The following ITGA9 variants were observed in gnomAD, a reference collection of about 807,000 sequenced individuals.
The protein encoded by ITGA9 is integrin alpha-9.
Under a neutral mutation model 127.8 loss-of-function variants are expected in ITGA9, and 56 were observed. The ratio of observed to expected loss-of-function variants is 0.44; its 90% CI spans 0.35 to 0.55. ITGA9 has a LOEUF of 0.55. ITGA9 is among the 20% of genes least tolerant of loss of function. The pLI is 0.00. For synonymous variants in ITGA9, 508 were observed against 514.5 expected, an observed-to-expected ratio of 0.99 and a Z score of 0.17; for missense variants, 1,196 against 1,347.1, an observed-to-expected ratio of 0.89 and a Z score of 1.76.
rs113281596 is a variant in ITGA9, at chr3:37,629,959, G to A, written c.1839+623G>A. Among the ~76,000 whole-genome samples the A allele has an allele frequency of 8.6e-4, 131 of 152,262 alleles. 1 individual carries two copies. The highest frequency in any genetic ancestry group is 3.0e-3 in the African/African-American group (125 of 41,538). On this transcript the variant is annotated intron_variant, in intron 16 of 27. Transcript: ENST00000264741. The surrounding 1 kb of genome is among the most constrained non-coding windows in gnomAD (Gnocchi z 4.5). ...CTCTGAGGCGTGCAGCACTGAGTGC[G>A]GTGCAGGAATATGCAAGGAATCTGC...
rs138166206 is a variant in ITGA9 at position 37,772,277 on chromosome 3, G to A, written c.2542-5115G>A. 2.4e-4 allele frequency among the ~76,000 whole-genome samples: 37 copies of A among 152,166 alleles called. No individual in the cohort carries two copies. In the South Asian group the frequency reaches 4.2e-3, roughly 17 times the overall value. ...AAAAAGCTTAGCCAGGCATGGTGGCGTGTGCCTGTAATTCCAGCTACTGGG... is the reference window on the plus strand; with the variant it reads ...AAAAAGCTTAGCCAGGCATGGTGGCATGTGCCTGTAATTCCAGCTACTGGG... On this transcript the variant is annotated intron_variant, in intron 23 of 27. Transcript: ENST00000264741.
chr3:37,466,609 C>T (rs539864044), intron 1 of ITGA9, among the ~76,000 whole-genome samples: 3 of 146,126 alleles, frequency 2.1e-5, no homozygotes, highest in East Asian at 2.1e-4. Context: ...TCCAAATGAA[C>T]ATAATTATTT....
intron 17 of ITGA9, among the ~76,000 whole-genome samples, chr3:37,667,444 CA>C (rs58033287): frequency 0.031 from 4,676 of 152,290 alleles, 94 homozygotes; most frequent in Non-Finnish European, 0.047. Flanking sequence ...AGGACAGCAG[CA>C]AAGGCAGATA....
Position 37,452,821 on chromosome 3 carries a change from G to C in ITGA9, c.185+262G>C, listed in dbSNP as rs1169787819. Among the ~76,000 whole-genome samples the C allele has an allele frequency of 6.6e-6, 1 of 152,126 alleles. No homozygotes were observed. The highest frequency in any genetic ancestry group is 1.9e-4 in the East Asian group (1 of 5,166). On this transcript the variant is annotated intron_variant, in intron 1 of 27. Transcript: ENST00000264741. This position sits in a 1 kb window ranked among gnomAD's most constrained non-coding sequence, Gnocchi z 7.3. Reference sequence around the variant, plus strand: ...TCCCTGGGGTCCCAGCCCAGAGCGTGGGGGGAGAGCCGCTAGAGTTGTCTC... The same window carrying C: ...TCCCTGGGGTCCCAGCCCAGAGCGTCGGGGGAGAGCCGCTAGAGTTGTCTC...
intron 18 of ITGA9, among the ~76,000 whole-genome samples, chr3:37,714,581 G>A (rs1701114184): frequency 6.6e-6 from 1 of 152,162 alleles, no homozygotes; most frequent in African/African-American, 2.4e-5. Flanking sequence ...CCAGGAAGCT[G>A]CTTCCCTCCC....
intron 5 of ITGA9, among the ~76,000 whole-genome samples, chr3:37,502,707 C>T (rs142470546): frequency 2.6e-5 from 4 of 152,168 alleles, no homozygotes; most frequent in Non-Finnish European, 5.9e-5. Flanking sequence ...GAGGGGATTC[C>T]CTGGAGTACT....
At chr3:37,790,823 T>G (rs1457197158) in intron 26 of ITGA9, 1 of 152,814 alleles carries the variant, frequency 6.5e-6, no homozygotes, top group Non-Finnish European at 1.5e-5. Context: ...GAATTTCATC[T>G]TCAACCCAAC....
At chr3:37,513,242 G>A (rs1345350504) in intron 8 of ITGA9, among the ~76,000 whole-genome samples, 1 of 152,094 alleles carries the variant, frequency 6.6e-6, no homozygotes, top group Non-Finnish European at 1.5e-5. Flanking sequence ...ACCTCATTCT[G>A]TGGGCATCAA....
chr3:37,801,395 G>A (rs564709147), intron 26 of ITGA9, among the ~76,000 whole-genome samples: 1 of 152,242 alleles, frequency 6.6e-6, no homozygotes, highest in African/African-American at 2.4e-5. Flanking sequence ...TTTAGCATTT[G>A]GTATGTGAAA....
At chr3:37,559,084 T>C (rs1342579586) in intron 15 of ITGA9, among the ~76,000 whole-genome samples, 1 of 152,234 alleles carries the variant, frequency 6.6e-6, no homozygotes, top group Non-Finnish European at 1.5e-5. Context: ...ACCCTGGGAA[T>C]AGGACCCCCA....
At chr3:37,718,819 G>T (rs866256327) in intron 18 of ITGA9, among the ~76,000 whole-genome samples, 48 of 152,306 alleles carry the variant, frequency 3.2e-4, no homozygotes, top group African/African-American at 9.9e-4. Context: ...CTGCATCTGG[G>T]TCTTTTTTAC....
intron 15 of ITGA9, among the ~76,000 whole-genome samples, chr3:37,599,140 G>A (rs772687377): frequency 6.6e-6 from 1 of 152,224 alleles, no homozygotes; most frequent in East Asian, 1.9e-4. Context: ...ATAGGTGCAC[G>A]GCATAGTGTG....
chr3:37,818,191 T>TAAAAAAAAAAAAAAAAAAAAAAAAAAA (rs748381488), intron 27 of ITGA9: 1 of 31,970 alleles, frequency 3.1e-5, no homozygotes, highest in African/African-American at 9.4e-5. Flanking sequence ...TAAGACTCTC[T>TAAAAAAAAAAAAAAAAAAAAAAAAAAA]AAAAAAAAAA....
chr3:37,620,399 C>G (rs1381971626), intron 15 of ITGA9, among the ~76,000 whole-genome samples: 6 of 152,188 alleles, frequency 3.9e-5, no homozygotes, highest in East Asian at 1.9e-4. Flanking sequence ...CCCCACAGAC[C>G]TTTCTCAGGT....
chr3:37,578,674 T>A (rs555947931), intron 15 of ITGA9, among the ~76,000 whole-genome samples: 1 of 152,234 alleles, frequency 6.6e-6, no homozygotes, highest in African/African-American at 2.4e-5. Flanking sequence ...CTCAGGAATT[T>A]TGTTTGGAAT....
chr3:37,461,374 T>G (rs911319175), intron 1 of ITGA9, among the ~76,000 whole-genome samples: 1 of 152,160 alleles, frequency 6.6e-6, no homozygotes, highest in African/African-American at 2.4e-5. Flanking sequence ...AACCTCAGTT[T>G]CCTTTTCTGT....
chr3:37,454,735 C>T (rs934880227), intron 1 of ITGA9, among the ~76,000 whole-genome samples: 1 of 152,132 alleles, frequency 6.6e-6, no homozygotes, highest in Non-Finnish European at 1.5e-5. Flanking sequence ...AGATTGTGTT[C>T]TCCCCTTGAT....
intron 23 of ITGA9, among the ~76,000 whole-genome samples, chr3:37,774,503 T>C (rs911647833): frequency 7.4e-5 from 11 of 147,942 alleles, no homozygotes; most frequent in Admixed American, 1.3e-4. Context: ...GAGACCAGCC[T>C]GGGTAATGTG....
intron 4 of ITGA9, among the ~76,000 whole-genome samples, chr3:37,489,880 C>T (rs1002738836): frequency 6.6e-5 from 10 of 152,238 alleles, no homozygotes; most frequent in East Asian, 3.9e-4. Context: ...TCTACTGAAG[C>T]GTGCGACTTG....
Sources: allele counts gnomAD v4.1 joint callset (sites outside exome capture counted in the v4.1 genomes callset), GRCh38; gene constraint gnomAD v4.1.1; non-coding constraint Gnocchi (gnomAD v3.1); transcripts MANE v1.5; gene names NCBI Gene and HGNC (gene_info 2026-07-23, HGNC 2026-07-21).